Variants in DMD observed in about 807,000 individuals in gnomAD.
DMD encodes mutant dystrophin.
Under a neutral mutation model 330.1 loss-of-function variants are expected in DMD, and 63 were observed. That is an observed-to-expected ratio of 0.19 (90% CI 0.16 to 0.24). The LOEUF (loss-of-function observed/expected upper bound fraction) is 0.24, where lower values mean the gene tolerates loss of function less well. Among genes scored for constraint, DMD ranks in the 10% least tolerant of loss-of-function variants. The pLI, the probability that DMD is intolerant of heterozygous loss-of-function variation, is 1.00. For missense variants in DMD, 3,344 were observed against 2,684.1 expected (o/e 1.25, Z -5.43); for synonymous variants, 1,223 against 959.8 (o/e 1.27, Z -5.07).
chrX:31,147,523 T>C lies in DMD; in HGVS notation c.10554-5A>G. On this transcript the variant is annotated splice_polypyrimidine_tract_variant and splice_region_variant and intron_variant, in intron 74 of 78. Coordinates refer to ENST00000357033, the MANE Select transcript of DMD (RefSeq NM_004006.3). ...TCATATTCTGCTTGCAGATTCCTAT[T>C]GGCATCAAAAAAGTAAAAAAGAAAA... The C allele has an allele frequency of 8.7e-7, 1 of 1,155,681 alleles. No individual in the cohort carries two copies. The highest frequency in any genetic ancestry group is 1.2e-6 in the Non-Finnish European group (1 of 863,534).
intron 34 of DMD, among the ~76,000 whole-genome samples, chrX:32,378,754 A>AATGAATTTAAT (rs2097913865): frequency 9.0e-6 from 1 of 111,101 alleles, no homozygotes; most frequent in African/African-American, 3.3e-5. Flanking sequence ...ACTACATTTA[A>AATGAATTTAAT]TGTATTGCAT....
At chrX:32,602,487 T>C (rs1156694364) in intron 12 of DMD, among the ~76,000 whole-genome samples, 5 of 111,846 alleles carry the variant, frequency 4.5e-5, no homozygotes, top group African/African-American at 6.5e-5. Flanking sequence ...GAGGAAATGC[T>C]ATGCATTGTG....
chrX:32,778,016 T>C (rs934694257), intron 7 of DMD, among the ~76,000 whole-genome samples: 1 of 111,740 alleles, frequency 8.9e-6, no homozygotes, highest in Non-Finnish European at 1.9e-5. Context: ...TATGTCTGAA[T>C]ATTACTGGAA....
At chrX:31,517,435 C>G (rs183962673) in intron 55 of DMD, among the ~76,000 whole-genome samples, 69 of 111,917 alleles carry the variant, frequency 6.2e-4, no homozygotes, top group South Asian at 1.1e-3. Context: ...AGAGGTAGTT[C>G]TCAGGAAGTT....
At chrX:32,929,474 T>C (rs1178088751) in intron 2 of DMD, among the ~76,000 whole-genome samples, 1 of 111,004 alleles carries the variant, frequency 9.0e-6, no homozygotes, top group Non-Finnish European at 1.9e-5. Context: ...CTTTGTTTCC[T>C]CTACTGCAAA....
chrX:32,402,507 C>T (rs999448294), intron 30 of DMD, among the ~76,000 whole-genome samples: 1 of 111,157 alleles, frequency 9.0e-6, no homozygotes. Flanking sequence ...CAACCCATGC[C>T]TCAACCATTC....
chrX:32,252,771 TAA>T (rs2097275386), intron 43 of DMD, among the ~76,000 whole-genome samples: 1 of 53,234 alleles, frequency 1.9e-5, no homozygotes, highest in Non-Finnish European at 2.9e-5. Context: ...TAAATATATA[TAA>T]ATATATATAA....
At chrX:32,706,763 G>A (rs1049607543) in intron 7 of DMD, among the ~76,000 whole-genome samples, 2 of 111,227 alleles carry the variant, frequency 1.8e-5, no homozygotes, top group Non-Finnish European at 3.8e-5. Context: ...AGCCAATCCA[G>A]TAAATAATGG....
intron 16 of DMD, among the ~76,000 whole-genome samples, chrX:32,547,776 C>G (rs1267504523): frequency 1.8e-5 from 2 of 111,266 alleles, no homozygotes; most frequent in Non-Finnish European, 3.8e-5. Context: ...ACAGAGCTCA[C>G]TACTCCCTGA....
chrX:31,576,168 G>A (rs1023851048), intron 55 of DMD, among the ~76,000 whole-genome samples: 2 of 111,208 alleles, frequency 1.8e-5, no homozygotes, highest in East Asian at 2.8e-4. Context: ...ACTGACATTG[G>A]CACAATACTA....
intron 7 of DMD, among the ~76,000 whole-genome samples, chrX:32,744,320 T>G (rs2069695026): frequency 9.0e-6 from 1 of 110,862 alleles, no homozygotes; most frequent in Non-Finnish European, 1.9e-5. Context: ...ATTTAGTACT[T>G]AATTATTCCT....
At chrX:31,337,043 C>T (rs185394979) in intron 61 of DMD, among the ~76,000 whole-genome samples, 1,130 of 108,515 alleles carry the variant, frequency 0.01, 6 homozygotes, top group Middle Eastern at 0.028. Flanking sequence ...CCTGCCTCAG[C>T]CTCCTGAGTA....
At chrX:31,453,685 T>G (rs2065926561) in intron 59 of DMD, among the ~76,000 whole-genome samples, 1 of 104,146 alleles carries the variant, frequency 9.6e-6, no homozygotes, top group African/African-American at 3.5e-5. Context: ...TGAACAAATT[T>G]TATTAATTTC....
chrX:31,156,053 A>T (rs1021148793), intron 74 of DMD, among the ~76,000 whole-genome samples: 9 of 111,394 alleles, frequency 8.1e-5, no homozygotes, highest in Non-Finnish European at 1.3e-4. Context: ...ATCAAACACA[A>T]ATTCAAAAAT....
chrX:31,911,332 C>T (rs73217961), intron 47 of DMD, among the ~76,000 whole-genome samples: 19,315 of 111,524 alleles, frequency 0.17, 1,364 homozygotes, highest in African/African-American at 0.24. Context: ...CTAATACTTA[C>T]TGATGTCTTA....
chrX:31,201,370 C>T (rs1264341498), intron 67 of DMD, among the ~76,000 whole-genome samples: 2 of 112,411 alleles, frequency 1.8e-5, no homozygotes, highest in African/African-American at 6.5e-5. Flanking sequence ...TAGACCCCTT[C>T]TGAAAACAAA....
chrX:31,336,759 T>C (rs1225578240), intron 61 of DMD, among the ~76,000 whole-genome samples: 2 of 110,645 alleles, frequency 1.8e-5, no homozygotes, highest in Non-Finnish European at 3.8e-5. Context: ...AGGAAGAAAA[T>C]GGAAGTCATA....
intron 55 of DMD, among the ~76,000 whole-genome samples, chrX:31,522,361 C>CTATATATATATATATATATATA (rs1454794019): frequency 2.0e-5 from 1 of 50,228 alleles, no homozygotes; most frequent in Non-Finnish European, 3.2e-5. Context: ...CTCTCTCTCT[C>CTATATATATATATATATATATA]TCTATATATA....
chrX:32,110,092 A>C (rs2096582700), intron 44 of DMD, among the ~76,000 whole-genome samples: 2 of 111,711 alleles, frequency 1.8e-5, no homozygotes, highest in Non-Finnish European at 3.8e-5. Flanking sequence ...ATACATTTTC[A>C]ATTTGATTTT....
Sources: allele counts gnomAD v4.1 joint callset (sites outside exome capture counted in the v4.1 genomes callset), GRCh38; gene constraint gnomAD v4.1.1; transcripts MANE v1.5; gene names NCBI Gene and HGNC (gene_info 2026-07-23, HGNC 2026-07-21).